ADCY2: variants seen among roughly 807,000 people sequenced by gnomAD.
The protein encoded by ADCY2 is adenylate cyclase type 2.
In ADCY2, 31 loss-of-function variants were observed where a neutral mutation model predicts 125.2. The ratio of observed to expected loss-of-function variants is 0.25; its 90% CI spans 0.19 to 0.33. The LOEUF is 0.33. Among genes scored for constraint, ADCY2 ranks in the 10% least tolerant of loss-of-function variants. ADCY2 has a pLI of 1.00. For synonymous variants in ADCY2, 512 were observed against 548.4 expected (o/e 0.93, Z 0.93); for missense variants, 904 against 1,418.2 (o/e 0.64, Z 5.82).
At chr5:7,632,077 A>T (rs887917199) in intron 4 of ADCY2, among the ~76,000 whole-genome samples, 1 of 152,180 alleles carries the variant, frequency 6.6e-6, no homozygotes, top group African/African-American at 2.4e-5. Context: ...AATTCAAGCC[A>T]GTGAGACTTT....
At chr5:7,825,968 G>A (rs1471717512) in intron 24 of ADCY2, among the ~76,000 whole-genome samples, 4 of 152,230 alleles carry the variant, frequency 2.6e-5, no homozygotes, top group African/African-American at 7.2e-5. Flanking sequence ...CTCGCCTGTC[G>A]GTGCAATGGC....
intron 1 of ADCY2, among the ~76,000 whole-genome samples, chr5:7,408,324 G>A (rs536127717): frequency 6.6e-6 from 1 of 152,222 alleles, no homozygotes; most frequent in South Asian, 2.1e-4. Context: ...AAATGTTGAT[G>A]TGCACTGTTT....
chr5:7,485,932 C>T (rs542592040), intron 2 of ADCY2, among the ~76,000 whole-genome samples: 20 of 151,928 alleles, frequency 1.3e-4, no homozygotes, highest in Non-Finnish European at 2.6e-4. Flanking sequence ...AGTGATAGTC[C>T]CCCTCATTTG....
intron 4 of ADCY2, among the ~76,000 whole-genome samples, chr5:7,636,992 A>C (rs879010092): frequency 6.6e-6 from 1 of 152,242 alleles, no homozygotes. Flanking sequence ...AAGATTTTCT[A>C]TGCTCATGGC....
intron 14 of ADCY2, 43 bp from the exon 15 acceptor site, chr5:7,743,625 A>G (rs1742509254): frequency 1.3e-6 from 2 of 1,578,774 alleles, no homozygotes; most frequent in African/African-American, 2.7e-5. Flanking sequence ...AGAATGAGAG[A>G]AACGATCTCC....
chr5:7,559,956 G>A (rs73739845), intron 3 of ADCY2, among the ~76,000 whole-genome samples: 25 of 152,308 alleles, frequency 1.6e-4, no homozygotes, highest in African/African-American at 6.0e-4. Context: ...ATTTATTTTA[G>A]CATCATTTAT....
At chr5:7,799,268 CA>C (rs1744520654) in intron 20 of ADCY2, 1 of 152,430 alleles carries the variant, frequency 6.6e-6, no homozygotes, top group East Asian at 1.9e-4. Flanking sequence ...AAGACAATCT[CA>C]GGTCATCTAC....
chr5:7,607,084 C>T (rs993981126), intron 3 of ADCY2, among the ~76,000 whole-genome samples: 11 of 152,142 alleles, frequency 7.2e-5, no homozygotes, highest in Admixed American at 2.6e-4. Flanking sequence ...CTTTTTGTCC[C>T]ACACCACCTC....
chr5:7,627,907 A>T (rs1230870935), intron 4 of ADCY2, among the ~76,000 whole-genome samples: 3 of 152,208 alleles, frequency 2.0e-5, no homozygotes, highest in Admixed American at 6.5e-5. Flanking sequence ...GTTTGTTTTT[A>T]AAAAATACAT....
At chr5:7,634,144 C>A (rs1160100123) in intron 4 of ADCY2, among the ~76,000 whole-genome samples, 1 of 152,182 alleles carries the variant, frequency 6.6e-6, no homozygotes, top group Non-Finnish European at 1.5e-5. Context: ...TTTGAACTTA[C>A]TTTCATGGGG....
intron 2 of ADCY2, among the ~76,000 whole-genome samples, chr5:7,425,318 TA>T (rs2126360931): frequency 6.6e-6 from 1 of 152,376 alleles, no homozygotes; most frequent in East Asian, 1.9e-4. Flanking sequence ...GCGGCTATCT[TA>T]GGGCTTCTGC....
At chr5:7,718,361 G>A (rs1212497980) in intron 12 of ADCY2, among the ~76,000 whole-genome samples, 1 of 151,886 alleles carries the variant, frequency 6.6e-6, no homozygotes, top group Non-Finnish European at 1.5e-5. Flanking sequence ...TGTTAGCCAG[G>A]ATGGTCTCGA....
In ADCY2 at chr5:7,789,777, C is replaced by T. The variant is rs754757257; in HGVS notation, c.2605C>T (p.Leu869=). ...VLPAHVAEHF[L]ARSLKNEELY... ...TCCCGCGCACGTGGCTGAGCACTTC[C>T]TGGCCAGGAGCCTGAAGAATGAGGT... Residue 869 remains leucine (L), a synonymous_variant, in exon 20 of 25, where the codon CTG becomes TTG. Transcript: ENST00000338316. 2.8e-6 allele frequency: 4 copies of T among 1,405,440 alleles called. No individual in the cohort carries two copies. Among genetic ancestry groups the T allele is most frequent in the Admixed American group, 1.9e-5 (1 of 52,656 alleles). 87.1% of individuals were successfully genotyped at this position (1,405,440 alleles called of 1,614,324 possible). A position where few individuals can be genotyped will look rare whatever the true frequency, so the allele number is the denominator to read the frequency against.
chr5:7,828,849 C>G lies in ADCY2; in HGVS notation c.*1978C>G, dbSNP rs758594937. 1.3e-5 allele frequency: 2 copies of G among 152,304 alleles called. No individual in the cohort carries two copies. Among genetic ancestry groups the G allele is most frequent in the Non-Finnish European group, 2.9e-5 (2 of 68,042 alleles). The allele number at this position is 152,304 out of a possible 1,614,324, so 9.4% of individuals were successfully genotyped here. ...TTCCTCTGTTACATCCTGCTACACT[C>G]ATCCGCAGGTCACCTTAGTTCACCT... On this transcript the variant is annotated 3_prime_UTR_variant, in exon 25 of 25. Transcript: ENST00000338316.
At chr5:7,734,138 A>G (rs1006771164) in intron 14 of ADCY2, among the ~76,000 whole-genome samples, 1 of 152,178 alleles carries the variant, frequency 6.6e-6, no homozygotes, top group Non-Finnish European at 1.5e-5. Flanking sequence ...CACGCAACAG[A>G]TGTGAGTGGA....
intron 4 of ADCY2, among the ~76,000 whole-genome samples, chr5:7,644,777 T>C (rs113614482): frequency 6.6e-5 from 10 of 152,274 alleles, no homozygotes; most frequent in African/African-American, 2.2e-4. Context: ...TATAATTCTT[T>C]GTATATATCG....
At position 7,707,194 on chromosome 5, in the gene ADCY2, CA is replaced by C. The variant is rs541529294; in HGVS notation, c.1268+296del. On this transcript the variant is annotated intron_variant, in intron 8 of 24. Coordinates refer to ENST00000338316, the MANE Select transcript of ADCY2 (RefSeq NM_020546.3). ...AGAGATCTGATTTAAAGATGTTTTA[CA>C]AAACAGTCCAGATATGGCATCTGTC... Among the ~76,000 whole-genome samples, 332 of 152,280 alleles carry C rather than the reference CA, an allele frequency of 2.2e-3. 3 individuals carry two copies. Among genetic ancestry groups the C allele is most frequent in the African/African-American group, 7.4e-3 (307 of 41,554 alleles).
In ADCY2 at chr5:7,690,847, G is replaced by A; in HGVS notation, c.869+8G>A. 1 of 1,552,586 alleles carries A rather than the reference G, an allele frequency of 6.4e-7. No individual in the cohort carries two copies. The highest frequency in any genetic ancestry group is 8.7e-7 in the Non-Finnish European group (1 of 1,151,886). On this transcript the variant is annotated splice_region_variant and intron_variant, in intron 5 of 24. Transcript: ENST00000338316. ...GCGGCATACAAACGTGAGGTACGAC[G>A]CTATGCTTGCTCCTTGGCTGGTCTG...
chr5:7,829,268 C>T lies in ADCY2; in HGVS notation c.*2397C>T, dbSNP rs1448339453. The T allele has an allele frequency of 6.6e-6, 1 of 152,620 alleles. No individual in the cohort carries two copies. Among genetic ancestry groups the T allele is most frequent in the Non-Finnish European group, 1.5e-5 (1 of 68,056 alleles). 9.5% of individuals were successfully genotyped at this position (152,620 alleles called of 1,614,324 possible). ...ACAGGTTCTCCAGGTGATTCTGATC[C>T]CTGATCAAGCTTCAGACCTCCCTCC... is the stretch of plus-strand genomic sequence containing the variant. On this transcript the variant is annotated 3_prime_UTR_variant, in exon 25 of 25. Transcript: ENST00000338316.
Sources: allele counts gnomAD v4.1 joint callset (sites outside exome capture counted in the v4.1 genomes callset), GRCh38; gene constraint gnomAD v4.1.1; transcripts MANE v1.5; gene names NCBI Gene and HGNC (gene_info 2026-07-23, HGNC 2026-07-21).